The following ERBB4 variants were observed in gnomAD, a reference collection of about 807,000 sequenced individuals.
ERBB4 encodes the protein erb-b2 receptor tyrosine kinase 4, also known as receptor tyrosine-protein kinase erbB-4.
In ERBB4, 42 loss-of-function variants were observed where a neutral mutation model predicts 158.0. The observed-to-expected ratio is 0.27, with a 90% confidence interval of 0.21 to 0.34. The LOEUF (loss-of-function observed/expected upper bound fraction) is 0.34, where lower values mean the gene tolerates loss of function less well. Among genes scored for constraint, ERBB4 ranks in the 10% least tolerant of loss-of-function variants. ERBB4 has a pLI of 1.00. For missense variants in ERBB4, 1,333 were observed against 1,624.1 expected (o/e 0.82, Z 3.08); for synonymous variants, 583 against 558.7 (o/e 1.04, Z -0.61).
chr2:212,515,748 A>T (rs962823626), intron 1 of ERBB4, among the ~76,000 whole-genome samples: 2 of 152,032 alleles, frequency 1.3e-5, no homozygotes, highest in African/African-American at 2.4e-5. Flanking sequence ...GGTAGCAGCA[A>T]AGTAAATTTA....
At chr2:211,925,312 T>G (rs2079986507) in intron 3 of ERBB4, among the ~76,000 whole-genome samples, 2 of 151,916 alleles carry the variant, frequency 1.3e-5, no homozygotes, top group Non-Finnish European at 2.9e-5. Context: ...ACTACCAACT[T>G]ATTCCTGCTT....
chr2:211,375,719 CG>C lies in ERBB4; in HGVS notation c.*7895del, dbSNP rs2062461899. On this transcript the variant is annotated 3_prime_UTR_variant, in exon 28 of 28. Coordinates refer to ENST00000342788, the MANE Select transcript of ERBB4 (RefSeq NM_005235.3). ...AACAAATTTCTGACACAAAAGAGAA[CG>C]TTTGTTTCATATTTTATTGAATTTC... 1 of 224,846 alleles carries C rather than the reference CG, an allele frequency of 4.4e-6. No homozygotes were observed. Among genetic ancestry groups the C allele is most frequent in the Admixed American group, 5.7e-5 (1 of 17,482 alleles). 13.9% of individuals were successfully genotyped at this position (224,846 alleles called of 1,614,324 possible). A position where few individuals can be genotyped will look rare whatever the true frequency, so the allele number is the denominator to read the frequency against.
chr2:211,999,553 G>T (rs1294252242), intron 2 of ERBB4, among the ~76,000 whole-genome samples: 1 of 151,706 alleles, frequency 6.6e-6, no homozygotes, highest in Non-Finnish European at 1.5e-5. Context: ...ACACATTATT[G>T]AAAATTAATT....
intron 1 of ERBB4, among the ~76,000 whole-genome samples, chr2:212,296,703 GAGGAAATCCTC>G (rs1559953091): frequency 6.6e-6 from 1 of 151,904 alleles, no homozygotes; most frequent in East Asian, 1.9e-4. Context: ...TAGACAATCT[GAGGAAATCCTC>G]AGGAGAAGTT....
chr2:212,536,527 C>T (rs543967982), intron 1 of ERBB4, among the ~76,000 whole-genome samples: 3 of 152,154 alleles, frequency 2.0e-5, no homozygotes, highest in African/African-American at 7.2e-5. Context: ...AACAATGGCA[C>T]GCTAATCCTC....
At chr2:211,691,467 T>A (rs1203142435) in intron 12 of ERBB4, among the ~76,000 whole-genome samples, 1 of 152,150 alleles carries the variant, frequency 6.6e-6, no homozygotes, top group East Asian at 1.9e-4. Context: ...GCTGAGGATA[T>A]AACTGAAACA....
At chr2:212,127,528 C>G (rs924555689) in intron 1 of ERBB4, among the ~76,000 whole-genome samples, 1 of 152,014 alleles carries the variant, frequency 6.6e-6, no homozygotes, top group Non-Finnish European at 1.5e-5. Context: ...GGAGGTGGAG[C>G]TTGCCGTGAG....
intron 3 of ERBB4, among the ~76,000 whole-genome samples, chr2:211,917,377 G>C (rs1265018398): frequency 2.6e-5 from 4 of 152,150 alleles, no homozygotes; most frequent in African/African-American, 9.7e-5. Context: ...ATGGGTACAG[G>C]GTGGGGAGAA....
chr2:211,712,000 A>G (rs2073719712), intron 9 of ERBB4, 50 bp downstream of exon 9: 2 of 1,506,076 alleles, frequency 1.3e-6, no homozygotes, highest in South Asian at 1.1e-5. Context: ...GAATCTCTTC[A>G]GTTTTGTCTA....
At chr2:212,203,036 C>T (rs1268064103) in intron 1 of ERBB4, among the ~76,000 whole-genome samples, 5 of 151,620 alleles carry the variant, frequency 3.3e-5, no homozygotes, top group African/African-American at 1.2e-4. Flanking sequence ...CTACAAGGTG[C>T]TAGGCACAGA....
chr2:212,094,232 G>GTAT, intron 2 of ERBB4, among the ~76,000 whole-genome samples: 1 of 150,758 alleles, frequency 6.6e-6, no homozygotes, highest in African/African-American at 2.4e-5. Flanking sequence ...TTGTTTAAAA[G>GTAT]AACCTGGCTT....
chr2:212,028,450 AAGTTTC>A (rs1396208539), intron 2 of ERBB4, among the ~76,000 whole-genome samples: 1 of 152,168 alleles, frequency 6.6e-6, no homozygotes, highest in African/African-American at 2.4e-5. Flanking sequence ...TTTGACTTTT[AAGTTTC>A]AGAAAGACAA....
At chr2:212,172,966 T>C (rs2081564173) in intron 1 of ERBB4, among the ~76,000 whole-genome samples, 1 of 152,016 alleles carries the variant, frequency 6.6e-6, no homozygotes, top group South Asian at 2.1e-4. Context: ...ACAATGGAAA[T>C]GTAAAAAATA....
intron 20 of ERBB4, among the ~76,000 whole-genome samples, chr2:211,536,764 T>C (rs369583892): frequency 8.3e-4 from 126 of 152,126 alleles, no homozygotes; most frequent in Admixed American, 4.1e-3. Flanking sequence ...CATTATGAAT[T>C]TGGCCTGCAT....
chr2:211,837,979 C>T (rs1192159060), intron 3 of ERBB4, among the ~76,000 whole-genome samples: 1 of 151,802 alleles, frequency 6.6e-6, no homozygotes, highest in Non-Finnish European at 1.5e-5. Context: ...GTGGCCCGTG[C>T]TGAGGGTTAG....
At chr2:212,030,825 G>A (rs2125348390) in intron 2 of ERBB4, among the ~76,000 whole-genome samples, 1 of 152,158 alleles carries the variant, frequency 6.6e-6, no homozygotes, top group African/African-American at 2.4e-5. Flanking sequence ...AAAGTTCCAG[G>A]AGGTAAAACC....
At chr2:212,352,341 C>T (rs920038692) in intron 1 of ERBB4, among the ~76,000 whole-genome samples, 2 of 144,958 alleles carry the variant, frequency 1.4e-5, no homozygotes, top group Non-Finnish European at 3.0e-5. Context: ...AAAAAAAACA[C>T]TTTATTTTAG....
At chr2:211,577,404 G>A (rs1413000961) in intron 19 of ERBB4, among the ~76,000 whole-genome samples, 2 of 151,822 alleles carry the variant, frequency 1.3e-5, no homozygotes, top group Non-Finnish European at 2.9e-5. Flanking sequence ...AGATAATCAA[G>A]TACCTTGTCT....
rs568118722 is a variant in ERBB4, at chr2:211,617,518, T to C, written c.2301+1659A>G. On this transcript the variant is annotated intron_variant, in intron 19 of 27. Coordinates refer to ENST00000342788, the MANE Select transcript of ERBB4 (RefSeq NM_005235.3). ...TATTTAGTTTTTGGCCTTACTGTTA[T>C]ATAGATGCCGGTAGATATGCAACAA... 7.9e-5 allele frequency among the ~76,000 whole-genome samples: 12 copies of C among 152,276 alleles called. No individual in the cohort carries two copies. In the South Asian group the frequency reaches 2.5e-3, roughly 32 times the overall value.
Sources: gnomAD v4.1 joint callset for allele counts (sites outside exome capture counted in the v4.1 genomes callset) on GRCh38, gnomAD v4.1.1 for gene constraint, MANE v1.5 for transcripts, NCBI Gene and HGNC (gene_info 2026-07-23, HGNC 2026-07-21) for gene names.